The following FBXL20 variants were observed in gnomAD, a reference collection of about 807,000 sequenced individuals.
FBXL20 encodes F-box and leucine rich repeat protein 20, also known as F-box/LRR-repeat protein 20.
A neutral mutation model predicts 64.0 loss-of-function variants in FBXL20; 11 were observed. The ratio of observed to expected loss-of-function variants is 0.17; its 90% confidence interval spans 0.11 to 0.28. FBXL20 has a LOEUF of 0.28. Ranked by LOEUF, FBXL20 falls within the 10% of genes least tolerant of loss-of-function variation. The probability of loss-of-function intolerance (pLI) is 1.00; values close to 1 mark genes in which losing one functional copy is unlikely to be tolerated. For missense variants in FBXL20, 303 were observed against 526.2 expected (o/e 0.58, Z 4.15); for synonymous variants, 184 against 189.0 (o/e 0.97, Z 0.22).
intron 2 of FBXL20, among the ~76,000 whole-genome samples, chr17:39,308,726 C>T (rs929601339): frequency 1.3e-5 from 2 of 151,504 alleles, no homozygotes; most frequent in Non-Finnish European, 2.9e-5. Flanking sequence ...CCACCACGCC[C>T]GGCTAATTTT....
rs551328644 is a variant in FBXL20 at position 39,307,177 on chromosome 17, C to T, written c.105-3538G>A. 6.6e-5 allele frequency among the ~76,000 whole-genome samples: 10 copies of T among 152,278 alleles called. No homozygotes were observed. The South Asian group carries it at 2.1e-3, about 32-fold the overall frequency. ...TTCATTCAAAAAACATTTTTACCAC[C>T]TGCTATCTACGGGCACTGTTTTAAG... On this transcript the variant is annotated intron_variant, in intron 2 of 14. Transcript: ENST00000264658.
chr17:39,360,886 C>T (rs1002564896), intron 1 of FBXL20, among the ~76,000 whole-genome samples: 1 of 152,112 alleles, frequency 6.6e-6, no homozygotes, highest in African/African-American at 2.4e-5. Flanking sequence ...CCAGTTGTTA[C>T]CAATGGTCAT....
chr17:39,386,627 A>AAAT (rs2048083279), intron 1 of FBXL20, among the ~76,000 whole-genome samples: 1 of 152,148 alleles, frequency 6.6e-6, no homozygotes, highest in South Asian at 2.1e-4. Flanking sequence ...CCGTCTCAAA[A>AAAT]AATAATAATA....
chr17:39,378,651 C>T (rs978821524), intron 1 of FBXL20, among the ~76,000 whole-genome samples: 1 of 151,750 alleles, frequency 6.6e-6, no homozygotes, highest in Non-Finnish European at 1.5e-5. Flanking sequence ...ACTCTGTTGC[C>T]CAGGCTGGAG....
At chr17:39,291,815 CAA>C (rs2047042321) in intron 6 of FBXL20, among the ~76,000 whole-genome samples, 1 of 152,190 alleles carries the variant, frequency 6.6e-6, no homozygotes, top group African/African-American at 2.4e-5. Context: ...CACAAATTTA[CAA>C]AGTTATATTC....
intron 1 of FBXL20, among the ~76,000 whole-genome samples, chr17:39,384,679 G>A (rs188382148): frequency 5.7e-4 from 87 of 151,892 alleles, no homozygotes; most frequent in Non-Finnish European, 9.1e-4. Context: ...TAATTTGGCC[G>A]GGCACGGTGG....
intron 1 of FBXL20, among the ~76,000 whole-genome samples, chr17:39,396,761 C>A (rs184005358): frequency 5.1e-4 from 78 of 151,804 alleles, no homozygotes; most frequent in African/African-American, 1.8e-3. Context: ...TGAGACCATC[C>A]TGGCTAACAC....
chr17:39,387,506 T>C (rs1161382256), intron 1 of FBXL20, among the ~76,000 whole-genome samples: 1 of 151,990 alleles, frequency 6.6e-6, no homozygotes, highest in Non-Finnish European at 1.5e-5. Context: ...CTCGAACTCC[T>C]GACCTCAGGT....
intron 6 of FBXL20, among the ~76,000 whole-genome samples, chr17:39,289,105 C>G (rs2047014333): frequency 1.3e-5 from 2 of 152,150 alleles, no homozygotes; most frequent in South Asian, 4.1e-4. Context: ...TTTTAATCCA[C>G]TGACTGATAT....
At chr17:39,317,997 G>T (rs2047313802) in intron 2 of FBXL20, among the ~76,000 whole-genome samples, 1 of 152,066 alleles carries the variant, frequency 6.6e-6, no homozygotes, top group Non-Finnish European at 1.5e-5. Flanking sequence ...ACCGCTCGCG[G>T]CCTCACTTTC....
Position 39,254,067 on chromosome 17 carries a change from A to C in FBXL20, c.*7393T>G, listed in dbSNP as rs1207976081. 2.0e-5 allele frequency: 3 copies of C among 152,226 alleles called. No individual in the cohort carries two copies. The highest frequency in any genetic ancestry group is 2.0e-4 in the Admixed American group (3 of 15,276). The allele number at this position is 152,226 out of a possible 1,614,324, so 9.4% of individuals were successfully genotyped here. A position where few individuals can be genotyped will look rare whatever the true frequency, so the allele number is the denominator to read the frequency against. On this transcript the variant is annotated 3_prime_UTR_variant, in exon 15 of 15. Coordinates refer to ENST00000264658, the MANE Select transcript of FBXL20 (RefSeq NM_032875.3). ...AATGGCAAGAGAAACTTAGTGAAGC[A>C]AAGTTTTCTTTTCTTTTCTCTTTTT...
chr17:39,352,415 G>A (rs1597814265), intron 1 of FBXL20, among the ~76,000 whole-genome samples: 1 of 152,046 alleles, frequency 6.6e-6, no homozygotes, highest in East Asian at 1.9e-4. Flanking sequence ...ATGCACAGTG[G>A]CTCACAACTG....
chr17:39,372,703 C>A (rs1597827028), intron 1 of FBXL20, among the ~76,000 whole-genome samples: 1 of 150,390 alleles, frequency 6.6e-6, no homozygotes, highest in East Asian at 2.0e-4. Context: ...GCAACCTCCA[C>A]CTCCCAGGTT....
intron 1 of FBXL20, among the ~76,000 whole-genome samples, chr17:39,353,312 T>C (rs1053675727): frequency 6.6e-6 from 1 of 152,170 alleles, no homozygotes; most frequent in South Asian, 2.1e-4. Context: ...AGTACCTCCT[T>C]ATCAGTGGTT....
Position 39,355,582 on chromosome 17 carries a change from G to A in FBXL20, c.43-12341C>T, listed in dbSNP as rs143551167. 2.8e-3 allele frequency among the ~76,000 whole-genome samples: 430 copies of A among 151,398 alleles called. 9 individuals carry two copies. In the East Asian group the frequency reaches 0.035, roughly 12 times the overall value. ...TTATACAAGAACTCCTGGGCCGGGC[G>A]CGGTGGCTCACGCCTGTAATCCCAG... On this transcript the variant is annotated intron_variant, in intron 1 of 14. Coordinates refer to ENST00000264658, the MANE Select transcript of FBXL20 (RefSeq NM_032875.3).
chr17:39,357,756 T>C (rs182742336), intron 1 of FBXL20, among the ~76,000 whole-genome samples: 1 of 152,328 alleles, frequency 6.6e-6, no homozygotes, highest in East Asian at 1.9e-4. Context: ...CATTTACTTA[T>C]TGTCGTTCAT....
chr17:39,316,713 C>T (rs1158197342), intron 2 of FBXL20, among the ~76,000 whole-genome samples: 1 of 152,170 alleles, frequency 6.6e-6, no homozygotes, highest in Non-Finnish European at 1.5e-5. Context: ...CGGCTGGGCA[C>T]GGTGGCTCAC....
intron 1 of FBXL20, among the ~76,000 whole-genome samples, chr17:39,366,540 C>T (rs2047861540): frequency 6.6e-6 from 1 of 152,158 alleles, no homozygotes; most frequent in Non-Finnish European, 1.5e-5. Flanking sequence ...AAGGGAACAT[C>T]TCACAGTAAT....
At chr17:39,314,239 ATGT>A (rs1401400653) in intron 2 of FBXL20, among the ~76,000 whole-genome samples, 1 of 152,300 alleles carries the variant, frequency 6.6e-6, no homozygotes, top group East Asian at 1.9e-4. Context: ...GAATATATCC[ATGT>A]TGTTGCACGT....
Sources: gnomAD v4.1 joint callset for allele counts (sites outside exome capture counted in the v4.1 genomes callset) on GRCh38, gnomAD v4.1.1 for gene constraint, MANE v1.5 for transcripts, NCBI Gene and HGNC (gene_info 2026-07-23, HGNC 2026-07-21) for gene names.